RASSF5: variants seen among roughly 807,000 people sequenced by gnomAD.
RASSF5 encodes Ras association domain family member 5.
In RASSF5, 25 loss-of-function variants were observed where a neutral mutation model predicts 40.5. The ratio of observed to expected loss-of-function variants is 0.62; its 90% CI spans 0.45 to 0.86. RASSF5 has a LOEUF of 0.86. Ranked by LOEUF, RASSF5 falls within the 40% of genes least tolerant of loss-of-function variation. The pLI, the probability that RASSF5 is intolerant of heterozygous loss-of-function variation, is 0.00. For missense variants in RASSF5, 521 were observed against 572.8 expected, an observed-to-expected ratio of 0.91 and a Z score of 0.92; for synonymous variants, 246 against 252.4, an observed-to-expected ratio of 0.97 and a Z score of 0.24.
intron 2 of RASSF5, among the ~76,000 whole-genome samples, chr1:206,549,017 C>T (rs1379997138): frequency 6.6e-6 from 1 of 152,084 alleles, no homozygotes; most frequent in African/African-American, 2.4e-5. Context: ...AGGTGCCTGC[C>T]AACGCTCCCA....
At chr1:206,574,442 C>T (rs779350572) in intron 2 of RASSF5, among the ~76,000 whole-genome samples, 7 of 152,220 alleles carry the variant, frequency 4.6e-5, no homozygotes, top group Non-Finnish European at 1.0e-4. Flanking sequence ...TACTGGCGGA[C>T]TGTTGACATT....
intron 2 of RASSF5, among the ~76,000 whole-genome samples, chr1:206,549,340 TTAAC>T (rs1216330004): frequency 1.3e-5 from 2 of 152,222 alleles, no homozygotes; most frequent in African/African-American, 2.4e-5. Context: ...TTTCTCCTAC[TTAAC>T]TTTTTGAATA....
At chr1:206,557,610 A>G (rs1668026841) in intron 2 of RASSF5, 2 of 1,614,246 alleles carry the variant, frequency 1.2e-6, no homozygotes, top group African/African-American at 1.3e-5. Flanking sequence ...TGGGTACTGC[A>G]GCCTGGACGA....
At position 206,507,619 on chromosome 1, in the gene RASSF5, C is replaced by T. The variant is rs1666482478; in HGVS notation, c.17C>T (p.Pro6Leu). 3 of 1,522,768 alleles carry T rather than the reference C, an allele frequency of 2.0e-6. No homozygotes were observed. The highest frequency in any genetic ancestry group is 3.8e-4 in the Middle Eastern group (2 of 5,204). 94.3% of individuals were successfully genotyped at this position (1,522,768 alleles called of 1,614,324 possible). A position where few individuals can be genotyped will look rare whatever the true frequency, so the allele number is the denominator to read the frequency against. The change falls in exon 1 of 6, where the codon CCG (proline) becomes CTG (leucine). Residue 6 changes from proline to leucine, a missense_variant. By Grantham distance (98) the Pro-to-Leu change is moderately conservative. Coordinates refer to ENST00000579436, the MANE Select transcript of RASSF5 (RefSeq NM_182663.4). ...TAGCCGGGCATGGCCATGGCGTCCC[C>T]GGCCATCGGGCAGCGCCCGTACCCG... MAMAS[P>L]AIGQRPYPLL...
chr1:206,510,125 G>C (rs1255655280), intron 1 of RASSF5, among the ~76,000 whole-genome samples: 2 of 152,326 alleles, frequency 1.3e-5, no homozygotes, highest in East Asian at 3.9e-4. Context: ...ATGTGCAGAT[G>C]AGGGCTGGCA....
chr1:206,535,119 G>A lies in RASSF5; in HGVS notation c.458-3053G>A, dbSNP rs1325502560. 6.6e-6 allele frequency among the ~76,000 whole-genome samples: 1 copy of A among 152,194 alleles called. No homozygotes were observed. Among genetic ancestry groups the A allele is most frequent in the Non-Finnish European group, 1.5e-5 (1 of 68,042 alleles). ...CAGTACCAGCTACTCAGGAGACTGA[G>A]GTGAGCCCGGGAGGTGGAGTTTGCA... On this transcript the variant is annotated intron_variant, in intron 1 of 5. Transcript: ENST00000579436. The surrounding 1 kb of genome is among the most constrained non-coding windows in gnomAD (Gnocchi z 5.0).
chr1:206,583,438 G>A (rs1370006205), intron 3 of RASSF5, 59 bp downstream of exon 3: 46 of 1,162,610 alleles, frequency 4.0e-5, no homozygotes, highest in Non-Finnish European at 4.7e-5. Context: ...CGGGTTTGGC[G>A]CCTCTGCCCT....
chr1:206,571,345 C>T (rs1249155084), intron 2 of RASSF5: 1 of 150,936 alleles, frequency 6.6e-6, no homozygotes, highest in African/African-American at 2.4e-5. Context: ...TGGCATATAT[C>T]ATTTGCAAAG....
intron 2 of RASSF5, chr1:206,572,472 A>G (rs2103553925): frequency 6.6e-6 from 1 of 152,360 alleles, no homozygotes; most frequent in Middle Eastern, 3.4e-3. Context: ...GAGTCTGTCC[A>G]GACCTGGGGC....
chr1:206,519,543 G>A (rs1666849873), intron 1 of RASSF5, among the ~76,000 whole-genome samples: 1 of 152,206 alleles, frequency 6.6e-6, no homozygotes, highest in Non-Finnish European at 1.5e-5. Flanking sequence ...CCATCTGGCT[G>A]GGTCTGGAAC....
At chr1:206,561,615 C>T (rs1365009193) in intron 2 of RASSF5, among the ~76,000 whole-genome samples, 2 of 150,408 alleles carry the variant, frequency 1.3e-5, no homozygotes, top group Non-Finnish European at 3.0e-5. Flanking sequence ...TCTGTGGATA[C>T]AAAGAACAGA....
chr1:206,581,972 T>C (rs1490580493), intron 2 of RASSF5, among the ~76,000 whole-genome samples: 1 of 152,118 alleles, frequency 6.6e-6, no homozygotes. Context: ...CACAGGACAG[T>C]GTCAGATGGT....
At chr1:206,583,661 T>A (rs1668984213) in intron 3 of RASSF5, 8 of 399,474 alleles carry the variant, frequency 2.0e-5, no homozygotes, top group Middle Eastern at 7.9e-4. Context: ...GATTAAACGG[T>A]ACGTAATGAC....
At chr1:206,528,657 T>C (rs913292439) in intron 1 of RASSF5, among the ~76,000 whole-genome samples, 5 of 152,238 alleles carry the variant, frequency 3.3e-5, no homozygotes, top group Non-Finnish European at 7.4e-5. Flanking sequence ...GCAGCATATG[T>C]AGGGGCAGGG....
At chr1:206,545,983 C>G (rs1667674619) in intron 2 of RASSF5, among the ~76,000 whole-genome samples, 1 of 141,228 alleles carries the variant, frequency 7.1e-6, no homozygotes, top group Non-Finnish European at 1.5e-5. Flanking sequence ...GACAGTCTTG[C>G]TCTGTCACCC....
At chr1:206,578,402 G>T (rs1668739203) in intron 2 of RASSF5, among the ~76,000 whole-genome samples, 1 of 152,124 alleles carries the variant, frequency 6.6e-6, no homozygotes, top group Non-Finnish European at 1.5e-5. Flanking sequence ...TTGCTGTGAT[G>T]ATGAAATGAG....
At position 206,585,163 on chromosome 1, in the gene RASSF5, CCT is replaced by C; in HGVS notation, c.989-12_989-11del. On this transcript the variant is annotated splice_polypyrimidine_tract_variant and intron_variant, in intron 4 of 5. Transcript: ENST00000579436. ...CTTTTCTGGGAAGAGCTCCCAGCACCCTCTCTTGGTTTGCAGTGCTCTTCCAG... is the reference window on the plus strand; with the variant it reads ...CTTTTCTGGGAAGAGCTCCCAGCACCCTCTTGGTTTGCAGTGCTCTTCCAG... The C allele has an allele frequency of 6.3e-7, 1 of 1,596,556 alleles. No individual in the cohort carries two copies. The highest frequency in any genetic ancestry group is 8.6e-7 in the Non-Finnish European group (1 of 1,164,380).
At position 206,585,291 on chromosome 1, in the gene RASSF5, T is replaced by C. The variant is rs563800378; in HGVS notation, c.1100T>C (p.Val367Ala). Residue 367 changes from valine (V) to alanine (A), a missense_variant, in exon 5 of 6, where the codon GTA (valine) becomes GCA (alanine). Transcript: ENST00000579436. ...CTAAAGGAGAATGAAACTGGAGAGG[T>C]AGAGGTAGGTCTGGACCCATTGTGC... ...FVLKENETGE[V>A]EWDAFSIPEL... is the part of the protein sequence containing the mutation. 12 of 1,612,902 alleles carry C rather than the reference T, an allele frequency of 7.4e-6. No homozygotes were observed. The highest frequency in any genetic ancestry group is 6.7e-5 in the East Asian group (3 of 44,854).
intron 1 of RASSF5, among the ~76,000 whole-genome samples, chr1:206,523,664 TAAAATATA>T (rs1666985489): frequency 1.0e-5 from 1 of 98,812 alleles, no homozygotes; most frequent in East Asian, 2.4e-4. Context: ...ATAAAATATA[TAAAATATA>T]TTATATATAA....
Sources: allele counts gnomAD v4.1 joint callset (sites outside exome capture counted in the v4.1 genomes callset), GRCh38; gene constraint gnomAD v4.1.1; non-coding constraint Gnocchi (gnomAD v3.1); transcripts MANE v1.5; gene names NCBI Gene and HGNC (gene_info 2026-07-23, HGNC 2026-07-21).